ATP8A2: variants seen among roughly 807,000 people sequenced by gnomAD.
ATP8A2 encodes phospholipid-transporting ATPase IB.
ATP8A2 carries 100 observed loss-of-function variants against 165.6 expected under a neutral mutation model. The ratio of observed to expected loss-of-function variants is 0.60; its 90% CI spans 0.51 to 0.71. ATP8A2 has a LOEUF of 0.71. ATP8A2 is among the 30% of genes least tolerant of loss of function. ATP8A2 has a pLI of 0.00. For missense variants in ATP8A2, 1,227 were observed against 1,479.5 expected (o/e 0.83, Z 2.80); for synonymous variants, 543 against 548.8 (o/e 0.99, Z 0.15).
intron 24 of ATP8A2, among the ~76,000 whole-genome samples, chr13:25,607,083 T>G (rs553830636): frequency 6.6e-6 from 1 of 152,246 alleles, no homozygotes; most frequent in South Asian, 2.1e-4. Flanking sequence ...GGGAACCCTA[T>G]TGTAAACTGG....
intron 33 of ATP8A2, among the ~76,000 whole-genome samples, chr13:25,879,754 C>A (rs530504930): frequency 6.6e-6 from 1 of 152,206 alleles, no homozygotes; most frequent in Non-Finnish European, 1.5e-5. Context: ...TAGGACAGTC[C>A]TGGCGATACC....
At position 25,480,642 on chromosome 13, in the gene ATP8A2, G is replaced by T. The variant is rs373295903; in HGVS notation, c.221+11521G>T. Among the ~76,000 whole-genome samples, 17 of 151,758 alleles carry T rather than the reference G, an allele frequency of 1.1e-4. No homozygotes were observed. In the East Asian group the frequency reaches 2.9e-3, roughly 26 times the overall value. ...TCCTCACTTCCTAGATGGGATGGCG[G>T]CCGGGCAGAGATGCTCCTCACTTTC... is the stretch of plus-strand genomic sequence containing the variant. On this transcript the variant is annotated intron_variant, in intron 2 of 36. Transcript: ENST00000381655.
At chr13:25,544,957 A>C (rs1351413166) in intron 10 of ATP8A2, among the ~76,000 whole-genome samples, 5 of 149,118 alleles carry the variant, frequency 3.4e-5, no homozygotes, top group African/African-American at 9.9e-5. Context: ...ATAAAGGTCT[A>C]GAAGTATTAC....
At chr13:25,768,279 A>T (rs2044538715) in intron 25 of ATP8A2, among the ~76,000 whole-genome samples, 1 of 151,986 alleles carries the variant, frequency 6.6e-6, no homozygotes, top group Admixed American at 6.6e-5. Flanking sequence ...TCTGCTTTAG[A>T]CCCCACAGAT....
chr13:25,388,493 C>T (rs1021706451), intron 1 of ATP8A2, among the ~76,000 whole-genome samples: 5 of 152,122 alleles, frequency 3.3e-5, no homozygotes, highest in East Asian at 3.9e-4. Flanking sequence ...GTGAGAGGAC[C>T]GTGATCGATT....
At chr13:25,890,126 C>T (rs959255596) in intron 33 of ATP8A2, among the ~76,000 whole-genome samples, 3 of 152,108 alleles carry the variant, frequency 2.0e-5, no homozygotes, top group Non-Finnish European at 4.4e-5. Context: ...CGCTCCACTG[C>T]CCTCCAGCCT....
intron 27 of ATP8A2, among the ~76,000 whole-genome samples, chr13:25,822,858 G>T (rs748799602): frequency 1.3e-5 from 2 of 152,048 alleles, no homozygotes; most frequent in Non-Finnish European, 2.9e-5. Flanking sequence ...TCAGAGTTTT[G>T]TTTTTTGTGC....
chr13:25,392,545 A>T (rs2033284431), intron 1 of ATP8A2, among the ~76,000 whole-genome samples: 1 of 152,226 alleles, frequency 6.6e-6, no homozygotes, highest in South Asian at 2.1e-4. Context: ...TATTCTTTTA[A>T]ATTAGAAAAG....
intron 29 of ATP8A2, 74 bp downstream of exon 29, chr13:25,837,359 GA>G (rs1352058443): frequency 9.9e-5 from 154 of 1,551,056 alleles, no homozygotes; most frequent in Non-Finnish European, 1.3e-4. Context: ...CTGCCTAGGA[GA>G]TAGTTGAAGC....
chr13:25,705,305 CCT>C, intron 25 of ATP8A2: 1 of 268,124 alleles, frequency 3.7e-6, no homozygotes, highest in Admixed American at 5.5e-5. Flanking sequence ...TCAGTGACCC[CCT>C]GTGAGGACGT....
intron 25 of ATP8A2, among the ~76,000 whole-genome samples, chr13:25,702,474 T>C (rs2042971241): frequency 6.6e-6 from 1 of 152,224 alleles, no homozygotes; most frequent in African/African-American, 2.4e-5. Context: ...TATAATTTAC[T>C]TTGTATCTGG....
chr13:25,523,825 T>C (rs1384758929), intron 2 of ATP8A2, among the ~76,000 whole-genome samples: 4 of 152,272 alleles, frequency 2.6e-5, no homozygotes, highest in South Asian at 4.1e-4. Context: ...TTTTGTTTCA[T>C]TGATCTTTTG....
chr13:25,627,531 C>G (rs1463083713), intron 24 of ATP8A2, among the ~76,000 whole-genome samples: 1 of 152,174 alleles, frequency 6.6e-6, no homozygotes, highest in East Asian at 1.9e-4. Context: ...CACCTGATCT[C>G]TCTCTCCACC....
chr13:25,676,663 C>T (rs1343901564), intron 24 of ATP8A2, among the ~76,000 whole-genome samples: 1 of 152,078 alleles, frequency 6.6e-6, no homozygotes, highest in East Asian at 1.9e-4. Flanking sequence ...AAAAGACAGA[C>T]AACACATTAA....
chr13:25,985,816 A>G (rs1190808748), intron 35 of ATP8A2, among the ~76,000 whole-genome samples: 2 of 152,246 alleles, frequency 1.3e-5, no homozygotes, highest in Non-Finnish European at 2.9e-5. Context: ...AGGAAATACC[A>G]TGGTGGGTTG....
intron 27 of ATP8A2, among the ~76,000 whole-genome samples, chr13:25,775,403 C>T (rs80232814): frequency 0.012 from 1,868 of 152,262 alleles, 45 homozygotes; most frequent in African/African-American, 0.042. Flanking sequence ...CTCACAGACT[C>T]TGCAAGTTTC....
Position 25,786,929 on chromosome 13 carries a change from A to T in ATP8A2, c.2679+11970A>T, listed in dbSNP as rs183607582. On this transcript the variant is annotated intron_variant, in intron 27 of 36. Transcript: ENST00000381655. The stretch of plus-strand genomic sequence containing the variant: ...CACCACCATACCCGGCTAATTTTTT[A>T]AAAAATTATCTTTAGTAGGTCACTC... Among the ~76,000 whole-genome samples, 274 of 151,876 alleles carry T rather than the reference A, an allele frequency of 1.8e-3. 1 individual carries two copies. The highest frequency in any genetic ancestry group is 6.4e-3 in the African/African-American group (265 of 41,438).
intron 28 of ATP8A2, among the ~76,000 whole-genome samples, chr13:25,829,670 A>ATGTATG (rs1156330902): frequency 1.2e-3 from 8 of 6,922 alleles, no homozygotes; most frequent in African/African-American, 2.5e-3. Flanking sequence ...CAGGTGTGGT[A>ATGTATG]TATATATATA....
Position 25,699,158 on chromosome 13 carries a change from A to C in ATP8A2, c.2212-15A>C. ...CACACAAAAAATGTGATTTTCCCCT[A>C]TACTCTTGTTTCAGGCCACAAGGGC... On this transcript the variant is annotated splice_polypyrimidine_tract_variant and intron_variant, in intron 24 of 36. Transcript: ENST00000381655. 1 of 1,517,568 alleles carries C rather than the reference A, an allele frequency of 6.6e-7. No homozygotes were observed. The allele number at this position is 1,517,568 out of a possible 1,614,324, so 94.0% of individuals were successfully genotyped here.
Sources: allele counts gnomAD v4.1 joint callset (sites outside exome capture counted in the v4.1 genomes callset), GRCh38; gene constraint gnomAD v4.1.1; transcripts MANE v1.5; gene names NCBI Gene and HGNC (gene_info 2026-07-23, HGNC 2026-07-21).